LPIN1: variants seen among roughly 807,000 people sequenced by gnomAD.
LPIN1 encodes the protein phosphatidate phosphatase LPIN1.
In LPIN1, 71 loss-of-function variants were observed where a neutral mutation model predicts 107.5. The observed-to-expected ratio is 0.66, with a 90% CI of 0.55 to 0.80. The LOEUF (loss-of-function observed/expected upper bound fraction) is 0.80. Among genes scored for constraint, LPIN1 ranks in the 30% least tolerant of loss-of-function variants. The pLI is 0.00. For synonymous variants in LPIN1, 445 were observed against 452.6 expected, an observed-to-expected ratio of 0.98 and a Z score of 0.21; for missense variants, 1,043 against 1,160.6, an observed-to-expected ratio of 0.90 and a Z score of 1.47.
Position 11,805,110 on chromosome 2 carries a change from G to T in LPIN1, c.2203G>T (p.Asp735Tyr). 2 of 1,613,994 alleles carry T rather than the reference G, an allele frequency of 1.2e-6. No homozygotes were observed. Among genetic ancestry groups the T allele is most frequent in the Non-Finnish European group, 1.7e-6 (2 of 1,179,970 alleles). Residue 735 changes from aspartate (D) to tyrosine (Y), a missense_variant, in exon 17 of 21, where the codon GAT (aspartate) becomes TAT (tyrosine). Physicochemically the swap from Asp to Tyr is radical, Grantham distance 160 (BLOSUM62 -3). Coordinates refer to ENST00000674199, the MANE Select transcript of LPIN1 (RefSeq NM_001349206.2). ...LGHILPTLGKDWTHQGIAKLY... is the reference protein window; with the variant it reads ...LGHILPTLGKYWTHQGIAKLY... ...CCACATTTTGCCCACCCTTGGGAAG[G>T]ATTGGACCCATCAGGGCATCGCTAA... is the stretch of plus-strand genomic sequence containing the variant.
chr2:11,692,265 G>T (rs1159174211), intron 1 of LPIN1, among the ~76,000 whole-genome samples: 1 of 151,936 alleles, frequency 6.6e-6, no homozygotes, highest in East Asian at 1.9e-4. Context: ...TAGAAAGTTT[G>T]GTCCCCTTTC....
intron 13 of LPIN1, 77 bp from the exon 14 acceptor site, chr2:11,795,331 C>A: frequency 1.7e-6 from 2 of 1,198,838 alleles, no homozygotes; most frequent in Non-Finnish European, 2.5e-6. Context: ...CTTAAGGAAG[C>A]CCATGGGAAA....
chr2:11,729,114 C>T (rs188545348), intron 1 of LPIN1, among the ~76,000 whole-genome samples: 1 of 152,212 alleles, frequency 6.6e-6, no homozygotes, highest in East Asian at 1.9e-4. Flanking sequence ...CACATGAACA[C>T]GGGGAGGGGA....
chr2:11,788,476 A>G lies in LPIN1; in HGVS notation c.1713+20A>G, dbSNP rs759610275. 5 of 1,588,510 alleles carry G rather than the reference A, an allele frequency of 3.1e-6. No individual in the cohort carries two copies. The highest frequency in any genetic ancestry group is 4.3e-6 in the Non-Finnish European group (5 of 1,156,604). On this transcript the variant is annotated intron_variant, in intron 12 of 20. Transcript: ENST00000674199. ...CCAAAGGTGAGCTTTAACATGAGAA[A>G]GAAAAGGGGATGCTAGAAATGATGG...
At chr2:11,729,529 T>C (rs1462645945) in intron 1 of LPIN1, among the ~76,000 whole-genome samples, 4 of 152,274 alleles carry the variant, frequency 2.6e-5, no homozygotes, top group African/African-American at 9.6e-5. Flanking sequence ...ATATCTGTTC[T>C]GGCACTTGTG....
At position 11,746,660 on chromosome 2, in the gene LPIN1, C is replaced by T; in HGVS notation, c.-21C>T. ...TTTGCAATACAAAGGCGGCCACGCG[C>T]GGCGCCGCTCGGTGAGTAGCCGCCG... is the stretch of plus-strand genomic sequence containing the variant. On this transcript the variant is annotated 5_prime_UTR_variant, in exon 1 of 21. Transcript: ENST00000674199. 1.0e-6 allele frequency: 1 copy of T among 985,142 alleles called. No individual in the cohort carries two copies. The allele number at this position is 985,142 out of a possible 1,614,324, so 61.0% of individuals were successfully genotyped here.
At position 11,710,787 on chromosome 2, in the gene LPIN1, C is replaced by T. The variant is rs182707912; in HGVS notation, c.82-2969C>T. On this transcript the variant is annotated intron_variant, in intron 1 of 21. Coordinates refer to the LPIN1 transcript ENST00000449576. ...AGCCAGGTTCATTTTTGGCTTCCACCGTGACTGCCAACTGCTTGATGCCAG... is the reference window on the plus strand; with the variant it reads ...AGCCAGGTTCATTTTTGGCTTCCACTGTGACTGCCAACTGCTTGATGCCAG... Among the ~76,000 whole-genome samples, 11 of 152,184 alleles carry T rather than the reference C, an allele frequency of 7.2e-5. No homozygotes were observed. The South Asian group carries it at 8.3e-4, about 12-fold the overall frequency.
At chr2:11,718,995 T>G (rs577016469) in intron 2 of LPIN1, among the ~76,000 whole-genome samples, 8 of 152,362 alleles carry the variant, frequency 5.3e-5, no homozygotes, top group Admixed American at 4.6e-4. Flanking sequence ...TTGGCAGATT[T>G]TATAAATTTC....
At chr2:11,770,507 C>T (rs976576875) in intron 3 of LPIN1, among the ~76,000 whole-genome samples, 5 of 152,232 alleles carry the variant, frequency 3.3e-5, no homozygotes, top group Admixed American at 1.3e-4. Flanking sequence ...GTCCAGCAGC[C>T]GGGTGAGATG....
chr2:11,748,054 C>A (rs1487254204), intron 1 of LPIN1, among the ~76,000 whole-genome samples: 1 of 152,170 alleles, frequency 6.6e-6, no homozygotes, highest in African/African-American at 2.4e-5. Context: ...GGACAAGGGG[C>A]GGACCTGCTG....
At position 11,690,539 on chromosome 2, in the gene LPIN1, ACTT is replaced by A. The variant is rs1558719940; in HGVS notation, c.81+12818_81+12820del. Among the ~76,000 whole-genome samples the A allele has an allele frequency of 2.6e-5, 4 of 152,280 alleles. No homozygotes were observed. The East Asian group carries it at 5.8e-4, about 22-fold the overall frequency. On this transcript the variant is annotated intron_variant, in intron 1 of 21. Transcript: ENST00000449576. ...AAGATTCTCAAACATCTTTTCAACA[ACTT>A]CTTCTTTGTGATCTCCTTAATTCTC...
chr2:11,708,570 C>T (rs79420947), intron 1 of LPIN1, among the ~76,000 whole-genome samples: 27,241 of 152,070 alleles, frequency 0.18, 3,159 homozygotes, highest in South Asian at 0.26. Context: ...AATGGGGAGC[C>T]ATGAAAGGTT....
At chr2:11,691,088 T>TG (rs945405553) in intron 1 of LPIN1, among the ~76,000 whole-genome samples, 5 of 151,058 alleles carry the variant, frequency 3.3e-5, no homozygotes, top group Non-Finnish European at 7.4e-5. Context: ...GTTGTGGTTT[T>TG]TTTTTTTTTT....
intron 9 of LPIN1, chr2:11,784,460 C>CT (rs1472872470): frequency 1.8e-6 from 2 of 1,100,416 alleles, no homozygotes; most frequent in Admixed American, 4.5e-5. Context: ...CCTGCAAAGC[C>CT]TGAGGTCATG....
intron 1 of LPIN1, chr2:11,762,979 G>A (rs1670084213): frequency 6.6e-6 from 1 of 152,246 alleles, no homozygotes. Flanking sequence ...AAGTCTCGGG[G>A]TGGACTGGAA....
At chr2:11,812,246 A>C (rs951751759) in intron 17 of LPIN1, among the ~76,000 whole-genome samples, 2 of 151,944 alleles carry the variant, frequency 1.3e-5, no homozygotes, top group East Asian at 1.9e-4. Flanking sequence ...GCTACATGCC[A>C]AGCACTGTTT....
chr2:11,725,791 CGTG>C (rs1664582041), intron 1 of LPIN1, among the ~76,000 whole-genome samples: 2 of 152,154 alleles, frequency 1.3e-5, no homozygotes, highest in African/African-American at 4.8e-5. Context: ...CAGGGAAACA[CGTG>C]GGCACAATCC....
intron 1 of LPIN1, among the ~76,000 whole-genome samples, chr2:11,759,141 C>CTTTCTTTCT (rs1553418411): frequency 3.1e-4 from 26 of 83,374 alleles, no homozygotes; most frequent in African/African-American, 1.2e-3. Flanking sequence ...TCTTTTCTTT[C>CTTTCTTTCT]TTTCTTTCTT....
chr2:11,752,940 T>C (rs1171441990), intron 1 of LPIN1, among the ~76,000 whole-genome samples: 1 of 152,228 alleles, frequency 6.6e-6, no homozygotes, highest in African/African-American at 2.4e-5. Context: ...CAAGAAACCA[T>C]GTGACCTCTG....
Sources: allele counts gnomAD v4.1 joint callset (sites outside exome capture counted in the v4.1 genomes callset), GRCh38; gene constraint gnomAD v4.1.1; transcripts MANE v1.5; gene names NCBI Gene and HGNC (gene_info 2026-07-23, HGNC 2026-07-21).